Variants in ATP8B4 observed in about 807,000 individuals in gnomAD.
The protein encoded by ATP8B4 is ATPase phospholipid transporting 8B4 (putative), also known as probable phospholipid-transporting ATPase IM.
ATP8B4 carries 133 observed loss-of-function variants against 145.6 expected under a neutral mutation model. The observed-to-expected ratio is 0.91, with a 90% confidence interval of 0.79 to 1.05. ATP8B4 has a LOEUF of 1.05. Ranked by LOEUF, ATP8B4 falls within the 50% of genes least tolerant of loss-of-function variation. The pLI is 0.00. For synonymous variants in ATP8B4, 507 were observed against 492.9 expected, an observed-to-expected ratio of 1.03 and a Z score of -0.38; for missense variants, 1,458 against 1,425.2, an observed-to-expected ratio of 1.02 and a Z score of -0.37.
At chr15:49,967,426 A>G (rs2044654568) in intron 13 of ATP8B4, among the ~76,000 whole-genome samples, 1 of 152,236 alleles carries the variant, frequency 6.6e-6, no homozygotes, top group African/African-American at 2.4e-5. Flanking sequence ...GAAGAACATA[A>G]GTGACCTGAT....
At chr15:49,952,351 G>A (rs955230485) in intron 14 of ATP8B4, among the ~76,000 whole-genome samples, 1 of 152,044 alleles carries the variant, frequency 6.6e-6, no homozygotes, top group Non-Finnish European at 1.5e-5. Context: ...TAGGTTTGGT[G>A]TTTTTATGAA....
At chr15:49,862,405 T>C (rs1444626862) in intron 26 of ATP8B4, 30 bp from the exon 27 acceptor site, 4 of 1,605,828 alleles carry the variant, frequency 2.5e-6, no homozygotes. Flanking sequence ...ATATACACTG[T>C]GGTTACAAGT....
chr15:49,903,894 C>CA lies in ATP8B4; in HGVS notation c.2142-2656dup, dbSNP rs11287026. On this transcript the variant is annotated intron_variant, in intron 20 of 27. Transcript: ENST00000284509. The stretch of plus-strand genomic sequence containing the variant: ...GGGCAACAAGAGCAAAACTCCGTCT[C>CA]AAAAAAAAAAAAAAATCGATCTGTT... Among the ~76,000 whole-genome samples, 604 of 124,314 alleles carry CA rather than the reference C, an allele frequency of 4.9e-3. 1 individual carries two copies. The highest frequency in any genetic ancestry group is 9.1e-3 in the African/African-American group (310 of 33,996). The allele number at this position is 124,314 out of a possible 152,430, so 81.6% of individuals were successfully genotyped here.
intron 1 of ATP8B4, among the ~76,000 whole-genome samples, chr15:50,130,797 A>G (rs2057340830): frequency 6.6e-6 from 1 of 152,138 alleles, no homozygotes; most frequent in South Asian, 2.1e-4. Flanking sequence ...AAAAATAAAA[A>G]TAAATAAGAG....
chr15:50,135,093 A>G (rs12902997), intron 1 of ATP8B4, among the ~76,000 whole-genome samples: 73,763 of 152,040 alleles, frequency 0.49, 20,246 homozygotes, highest in Middle Eastern at 0.65. Context: ...GAGCCTCAAA[A>G]TCTAATCTTA....
At chr15:49,894,712 G>A (rs141221375) in intron 23 of ATP8B4, among the ~76,000 whole-genome samples, 4 of 152,274 alleles carry the variant, frequency 2.6e-5, no homozygotes, top group African/African-American at 4.8e-5. Context: ...GGCTGCACAC[G>A]TTTAAACAGA....
chr15:50,172,455 C>T (rs1427451832), intron 1 of ATP8B4, among the ~76,000 whole-genome samples: 1 of 152,248 alleles, frequency 6.6e-6, no homozygotes, highest in African/African-American at 2.4e-5. Flanking sequence ...TCAATGTTGC[C>T]CAGGCTGGAG....
At chr15:50,046,537 T>C (rs952803164) in intron 4 of ATP8B4, among the ~76,000 whole-genome samples, 5 of 152,268 alleles carry the variant, frequency 3.3e-5, no homozygotes, top group African/African-American at 1.2e-4. Flanking sequence ...AAGATTTCTG[T>C]CACTTGAAAC....
intron 6 of ATP8B4, among the ~76,000 whole-genome samples, chr15:50,020,309 G>A (rs1014049515): frequency 2.0e-5 from 3 of 149,534 alleles, no homozygotes; most frequent in African/African-American, 4.9e-5. Context: ...CTTGTTGCCC[G>A]GGCAGGATGG....
At position 49,860,039 on chromosome 15, in the gene ATP8B4, T is replaced by A. The variant is rs2031338716; in HGVS notation, c.*155A>T. The A allele has an allele frequency of 2.2e-6, 2 of 894,918 alleles. No individual in the cohort carries two copies. 55.4% of individuals were successfully genotyped at this position (894,918 alleles called of 1,614,324 possible). On this transcript the variant is annotated 3_prime_UTR_variant, in exon 28 of 28. Coordinates refer to ENST00000284509, the MANE Select transcript of ATP8B4 (RefSeq NM_024837.4). ...GGTTTTCCATAGCGCACACTCCTGT[T>A]TGATGGGCACTGGCAGTTGTCTGCC...
At chr15:49,962,469 A>G (rs2044167852) in intron 13 of ATP8B4, among the ~76,000 whole-genome samples, 2 of 152,230 alleles carry the variant, frequency 1.3e-5, no homozygotes, top group Admixed American at 1.3e-4. Context: ...AGATCAAATT[A>G]GCATGTAAGC....
Position 49,883,873 on chromosome 15 carries a change from T to C in ATP8B4, c.2698-4414A>G, listed in dbSNP as rs186735441. Reference sequence around the variant, plus strand: ...TAGGGGATCCATAATGTCAAAACTATTTTCACAATAATACAAAAAGTTATG... The same window carrying C: ...TAGGGGATCCATAATGTCAAAACTACTTTCACAATAATACAAAAAGTTATG... On this transcript the variant is annotated intron_variant, in intron 23 of 27. Transcript: ENST00000284509. Among the ~76,000 whole-genome samples, 84 of 152,292 alleles carry C rather than the reference T, an allele frequency of 5.5e-4. 1 individual carries two copies. The highest frequency in any genetic ancestry group is 1.9e-3 in the South Asian group (9 of 4,822).
intron 6 of ATP8B4, among the ~76,000 whole-genome samples, chr15:50,029,253 A>AAAAAC (rs1387467175): frequency 1.3e-5 from 2 of 151,116 alleles, no homozygotes; most frequent in African/African-American, 2.4e-5. Flanking sequence ...AAAAAAAAAA[A>AAAAAC]AAAACAGAAA....
chr15:50,131,379 G>T (rs1164688948), intron 1 of ATP8B4, among the ~76,000 whole-genome samples: 1 of 152,138 alleles, frequency 6.6e-6, no homozygotes, highest in Non-Finnish European at 1.5e-5. Context: ...GAAACAGAGA[G>T]GTTAAAGAAC....
chr15:49,868,570 A>G (rs1458534906), intron 25 of ATP8B4, among the ~76,000 whole-genome samples: 3 of 152,208 alleles, frequency 2.0e-5, no homozygotes, highest in Non-Finnish European at 4.4e-5. Flanking sequence ...GGCAGTATTA[A>G]TTTGGAAAAA....
intron 20 of ATP8B4, among the ~76,000 whole-genome samples, chr15:49,914,052 G>A (rs1434741612): frequency 1.3e-5 from 2 of 152,110 alleles, no homozygotes; most frequent in African/African-American, 2.4e-5. Flanking sequence ...AAAGCTGGAG[G>A]CATCACACTA....
At position 49,979,687 on chromosome 15, in the gene ATP8B4, A is replaced by G; in HGVS notation, c.964T>C (p.Ser322Pro). ...TATGACCAGAATGTTAAGAATCCGGAGAACACAGAGCTCTTCTCTCCTTCA... is the reference window on the plus strand; with the variant it reads ...TATGACCAGAATGTTAAGAATCCGGGGAACACAGAGCTCTTCTCTCCTTCA... ...WNEGEKSSVF[S>P]GFLTFWSYII... The change falls in exon 12 of 28, where the codon TCC becomes CCC. Residue 322 changes from serine to proline, a missense_variant. Coordinates refer to ENST00000284509, the MANE Select transcript of ATP8B4 (RefSeq NM_024837.4). The G allele has an allele frequency of 1.9e-6, 3 of 1,607,734 alleles. No homozygotes were observed. Among genetic ancestry groups the G allele is most frequent in the Non-Finnish European group, 2.6e-6 (3 of 1,175,410 alleles).
At chr15:50,033,501 C>G (rs1435066544) in intron 6 of ATP8B4, among the ~76,000 whole-genome samples, 1 of 152,108 alleles carries the variant, frequency 6.6e-6, no homozygotes, top group Non-Finnish European at 1.5e-5. Context: ...ACAGAGAATC[C>G]TCAGCTTTTT....
chr15:50,029,342 T>G (rs2050266000), intron 6 of ATP8B4, among the ~76,000 whole-genome samples: 1 of 151,044 alleles, frequency 6.6e-6, no homozygotes, highest in South Asian at 2.1e-4. Flanking sequence ...CTGTAAACCC[T>G]CTGGAGACTC....
Sources: allele counts gnomAD v4.1 joint callset (sites outside exome capture counted in the v4.1 genomes callset), GRCh38; gene constraint gnomAD v4.1.1; transcripts MANE v1.5; gene names NCBI Gene and HGNC (gene_info 2026-07-23, HGNC 2026-07-21).